Variants in KCTD18 observed in about 807,000 individuals in gnomAD.
The protein encoded by KCTD18 is potassium channel tetramerization domain containing 18, also known as BTB/POZ domain-containing protein KCTD18.
A neutral mutation model predicts 30.4 loss-of-function variants in KCTD18; 22 were observed. The ratio of observed to expected loss-of-function variants is 0.72; its 90% CI spans 0.52 to 1.03. The LOEUF (loss-of-function observed/expected upper bound fraction) is 1.03. Ranked by LOEUF, KCTD18 falls within the 50% of genes least tolerant of loss-of-function variation. The pLI is 0.00. For missense variants in KCTD18, 529 were observed against 547.6 expected (o/e 0.97, Z 0.34); for synonymous variants, 186 against 209.0 (o/e 0.89, Z 0.95).
intron 1 of KCTD18, among the ~76,000 whole-genome samples, chr2:200,509,034 T>A (rs1199895813): frequency 1.3e-5 from 2 of 152,230 alleles, no homozygotes; most frequent in African/African-American, 4.8e-5. Context: ...TTTTGGTCTG[T>A]AGGCCAAGGA....
intron 5 of KCTD18, among the ~76,000 whole-genome samples, chr2:200,494,704 T>C (rs914668019): frequency 1.3e-5 from 2 of 152,226 alleles, no homozygotes; most frequent in Non-Finnish European, 2.9e-5. Context: ...TATTAAGATA[T>C]AATTTATGTA....
Position 200,489,976 on chromosome 2 carries a change from G to A in KCTD18, c.*124C>T. The stretch of plus-strand genomic sequence containing the variant: ...CCATTCCTAGCTCACACAATTCCAG[G>A]AACAGAATCCTCAACATAAACCTAA... On this transcript the variant is annotated 3_prime_UTR_variant, in exon 7 of 7. Transcript: ENST00000359878. 9.8e-7 allele frequency: 1 copy of A among 1,023,252 alleles called. No homozygotes were observed. Among genetic ancestry groups the A allele is most frequent in the South Asian group, 1.9e-5 (1 of 52,328 alleles). 63.4% of individuals were successfully genotyped at this position (1,023,252 alleles called of 1,614,324 possible).
At chr2:200,494,939 A>T (rs557451293) in intron 5 of KCTD18, among the ~76,000 whole-genome samples, 2 of 152,200 alleles carry the variant, frequency 1.3e-5, no homozygotes, top group African/African-American at 4.8e-5. Flanking sequence ...CTTCTTTAGC[A>T]TGATGCTTTA....
intron 6 of KCTD18, among the ~76,000 whole-genome samples, chr2:200,491,292 G>C (rs992430318): frequency 6.6e-6 from 1 of 152,162 alleles, no homozygotes; most frequent in Admixed American, 6.5e-5. Context: ...TGCCATGATT[G>C]TAAGCTTCCT....
At chr2:200,508,808 G>A (rs2030350519) in intron 1 of KCTD18, among the ~76,000 whole-genome samples, 1 of 152,196 alleles carries the variant, frequency 6.6e-6, no homozygotes, top group Non-Finnish European at 1.5e-5. Context: ...AGATCCATGT[G>A]TGAGAGCCAC....
In KCTD18 at chr2:200,494,051, T is replaced by C. The variant is rs553524746; in HGVS notation, c.662-777A>G. On this transcript the variant is annotated intron_variant, in intron 5 of 6. Coordinates refer to ENST00000359878, the MANE Select transcript of KCTD18 (RefSeq NM_152387.4). ...ATCTGTTATGTTTTTTATTAAGAGC[T>C]GAAAAATGTATTTATTCTTGAAGCC... is the stretch of plus-strand genomic sequence containing the variant. Among the ~76,000 whole-genome samples the C allele has an allele frequency of 2.8e-4, 43 of 152,362 alleles. No homozygotes were observed. In the Middle Eastern group the frequency reaches 0.027, roughly 96 times the overall value.
At chr2:200,502,482 T>C (rs1215916617) in intron 3 of KCTD18, among the ~76,000 whole-genome samples, 1 of 152,200 alleles carries the variant, frequency 6.6e-6, no homozygotes, top group East Asian at 1.9e-4. Context: ...ACTAACCAGA[T>C]TGATTTTACT....
In KCTD18 at chr2:200,497,834, T is replaced by A; in HGVS notation, c.580A>T (p.Asn194Tyr). 6.2e-7 allele frequency: 1 copy of A among 1,609,608 alleles called. No individual in the cohort carries two copies. Among genetic ancestry groups the A allele is most frequent in the Non-Finnish European group, 8.5e-7 (1 of 1,176,898 alleles). The change falls in exon 5 of 7, where the codon AAT becomes TAT. Residue 194 changes from asparagine to tyrosine, a missense_variant. Asn to Tyr is a moderately radical substitution (Grantham distance 143). Transcript: ENST00000359878. ...TAATAGCTCCAAATGTACTGAACAT[T>A]ATTTCCCGCCTCTCTAGAAATATTG... ...KGIFKREAGN[N>Y]VQYIWSYYSV...
At chr2:200,499,466 A>G (rs1177724595) in intron 3 of KCTD18, among the ~76,000 whole-genome samples, 1 of 152,198 alleles carries the variant, frequency 6.6e-6, no homozygotes, top group Admixed American at 6.5e-5. Flanking sequence ...AATCCCACAG[A>G]AATACAAACT....
At position 200,493,239 on chromosome 2, in the gene KCTD18, C is replaced by G. The variant is rs756217145; in HGVS notation, c.697G>C (p.Glu233Gln). 1 of 1,612,928 alleles carries G rather than the reference C, an allele frequency of 6.2e-7. No individual in the cohort carries two copies. The highest frequency in any genetic ancestry group is 1.7e-5 in the Admixed American group (1 of 60,008). ...GGCCGTTCTTCTAGAGTCCAACACT[C>G]TATCAGCTCATGAGGCACCCGCCAG... ...SYWRVPHELI[E>Q]CWTLEERPLL... The change falls in exon 6 of 7, where the codon GAG becomes CAG. Residue 233 changes from glutamate (E) to glutamine (Q), a missense_variant. Physicochemically the swap from Glu to Gln is conservative, Grantham distance 29 (BLOSUM62 2). Coordinates refer to ENST00000359878, the MANE Select transcript of KCTD18 (RefSeq NM_152387.4).
In KCTD18 at chr2:200,499,044, T is replaced by G. The variant is rs1270150507; in HGVS notation, c.413A>C (p.Asn138Thr). The change falls in exon 4 of 7, where the codon AAT becomes ACT. Residue 138 changes from asparagine to threonine, a missense_variant. By Grantham distance (65) the Asn-to-Thr change is moderately conservative. Coordinates refer to ENST00000359878, the MANE Select transcript of KCTD18 (RefSeq NM_152387.4). ...GTGGAGAACCCAAACTGTTGGTTTA[T>G]TGCAGACTAAGCCATATGAATCACA... Reference protein sequence around the residue: ...DFCDSYGLVCNKPTVWVLHYL... With the variant: ...DFCDSYGLVCTKPTVWVLHYL... 1 of 1,614,042 alleles carries G rather than the reference T, an allele frequency of 6.2e-7. No individual in the cohort carries two copies. The highest frequency in any genetic ancestry group is 2.2e-5 in the East Asian group (1 of 44,874).
In KCTD18 at chr2:200,495,115, A is replaced by T. The variant is rs559744652; in HGVS notation, c.662-1841T>A. 2.6e-5 allele frequency among the ~76,000 whole-genome samples: 4 copies of T among 152,298 alleles called. No individual in the cohort carries two copies. The South Asian group carries it at 8.3e-4, about 32-fold the overall frequency. ...ATACCTGGAAAATATAGAAAAGTAT[A>T]TATAAGGGAATCAAAGTCACTCCTA... On this transcript the variant is annotated intron_variant, in intron 5 of 6. Coordinates refer to ENST00000359878, the MANE Select transcript of KCTD18 (RefSeq NM_152387.4).
At chr2:200,493,461 C>A (rs564370388) in intron 5 of KCTD18, among the ~76,000 whole-genome samples, 187 bp from the exon 6 acceptor site, 2 of 152,334 alleles carry the variant, frequency 1.3e-5, no homozygotes, top group South Asian at 2.1e-4. Context: ...CAGCTCACGA[C>A]CTGGGTCAGG....
rs375312064 is a variant in KCTD18, at chr2:200,490,220, G to C, written c.1161C>G (p.Thr387=). 2 of 1,580,390 alleles carry C rather than the reference G, an allele frequency of 1.3e-6. No homozygotes were observed. The highest frequency in any genetic ancestry group is 1.1e-5 in the South Asian group (1 of 90,696). ...IKLKRTPLCA[T]APCLPSPTAT... Reference sequence around the variant, plus strand: ...CCGTGGGGGAGGGCAGGCAAGGCGCGGTGGCGCACAGCGGAGTCCTCTTCA... The same window carrying C: ...CCGTGGGGGAGGGCAGGCAAGGCGCCGTGGCGCACAGCGGAGTCCTCTTCA... Residue 387 remains threonine (T), a synonymous_variant, in exon 7 of 7, where the codon ACC becomes ACG. Coordinates refer to ENST00000359878, the MANE Select transcript of KCTD18 (RefSeq NM_152387.4).
intron 3 of KCTD18, among the ~76,000 whole-genome samples, chr2:200,502,379 C>A (rs2029903160): frequency 6.6e-6 from 1 of 152,016 alleles, no homozygotes; most frequent in Non-Finnish European, 1.5e-5. Flanking sequence ...AGTAATTTCC[C>A]CAAAATTTCC....
At chr2:200,502,006 A>G (rs1410760162) in intron 3 of KCTD18, among the ~76,000 whole-genome samples, 1 of 152,050 alleles carries the variant, frequency 6.6e-6, no homozygotes, top group African/African-American at 2.4e-5. Flanking sequence ...ATGAAATTGG[A>G]AATCATCATT....
In KCTD18 at chr2:200,490,358, C is replaced by G. The variant is rs988080269; in HGVS notation, c.1023G>C (p.Gly341=). Residue 341 remains glycine, a synonymous_variant, in exon 7 of 7, where the codon GGG becomes GGC. Transcript: ENST00000359878. The part of the protein sequence containing the change: ...ATALVGTGAP[G]HPQASPGAAS... The stretch of plus-strand genomic sequence containing the variant: ...CAGCCCCAGGGGAAGCCTGAGGATG[C>G]CCAGGTGCCCCCGTGCCCACCAGGG... 5.6e-6 allele frequency: 9 copies of G among 1,614,116 alleles called. No individual in the cohort carries two copies. Among genetic ancestry groups the G allele is most frequent in the African/African-American group, 1.3e-5 (1 of 74,950 alleles).
chr2:200,498,764 AT>A (rs2088036874), intron 4 of KCTD18, 126 bp downstream of exon 4: 1 of 758,792 alleles, frequency 1.3e-6, no homozygotes, highest in Non-Finnish European at 2.2e-6. Context: ...AACTGCTATG[AT>A]GGCTCACTGT....
Position 200,489,908 on chromosome 2 carries a change from A to G in KCTD18, c.*192T>C, listed in dbSNP as rs913077191. On this transcript the variant is annotated 3_prime_UTR_variant, in exon 7 of 7. Transcript: ENST00000359878. ...CATAGACAATCATATAAAAGTTGGG[A>G]AAATGAGAAATGGAGCCTTAACCAT... 1 of 569,744 alleles carries G rather than the reference A, an allele frequency of 1.8e-6. No individual in the cohort carries two copies. The highest frequency in any genetic ancestry group is 2.9e-6 in the Non-Finnish European group (1 of 340,284). 35.3% of individuals were successfully genotyped at this position (569,744 alleles called of 1,614,324 possible).
Sources: allele counts gnomAD v4.1 joint callset (sites outside exome capture counted in the v4.1 genomes callset), GRCh38; gene constraint gnomAD v4.1.1; transcripts MANE v1.5; gene names NCBI Gene and HGNC (gene_info 2026-07-23, HGNC 2026-07-21).